The following HDAC4 variants were observed in gnomAD, a reference collection of about 807,000 sequenced individuals.
HDAC4 encodes histone deacetylase 4.
In HDAC4, 16 loss-of-function variants were observed where a neutral mutation model predicts 135.1. That is an observed-to-expected ratio of 0.12 (90% CI 0.08 to 0.18). HDAC4 has a LOEUF of 0.18. Ranked by LOEUF, HDAC4 falls within the 10% of genes least tolerant of loss-of-function variation. The pLI, the probability that HDAC4 is intolerant of heterozygous loss-of-function variation, is 1.00. For missense variants in HDAC4, 1,143 were observed against 1,511.8 expected (o/e 0.76, Z 4.05); for synonymous variants, 685 against 653.4 (o/e 1.05, Z -0.74).
At chr2:239,121,148 G>T (rs777622024) in intron 12 of HDAC4, among the ~76,000 whole-genome samples, 15 of 152,060 alleles carry the variant, frequency 9.9e-5, no homozygotes, top group Non-Finnish European at 1.6e-4. Context: ...GTAGAGACGG[G>T]ATTTCACCAG....
At chr2:239,095,753 T>C (rs770888515) in intron 16 of HDAC4, among the ~76,000 whole-genome samples, 1 of 152,182 alleles carries the variant, frequency 6.6e-6, no homozygotes, top group Non-Finnish European at 1.5e-5. Flanking sequence ...GCTGTCTTTT[T>C]CCTGTTTGAC....
rs58179782 is a variant in HDAC4 at position 239,106,686 on chromosome 2, C to CG, written c.2112+1363dup. Among the ~76,000 whole-genome samples the CG allele has an allele frequency of 8.5e-5, 13 of 152,200 alleles. No individual in the cohort carries two copies. In the South Asian group the frequency reaches 1.0e-3, roughly 12 times the overall value. ...TCACCAATAAAACTGGTAAAGGAAA[C>CG]GGGGGGTAAGATGAGGCACAGATTA... On this transcript the variant is annotated intron_variant, in intron 15 of 26. Transcript: ENST00000543185.
At chr2:239,286,722 G>A (rs1422512063) in intron 2 of HDAC4, among the ~76,000 whole-genome samples, 3 of 146,360 alleles carry the variant, frequency 2.0e-5, no homozygotes, top group African/African-American at 7.7e-5. Flanking sequence ...GTGACGAGCA[G>A]CCAGTGAGAC....
intron 1 of HDAC4, among the ~76,000 whole-genome samples, chr2:239,365,532 T>C (rs1304456563): frequency 1.3e-5 from 2 of 152,204 alleles, no homozygotes; most frequent in Non-Finnish European, 2.9e-5. Flanking sequence ...GGAAGGGCCA[T>C]GGGAGCCAGC....
At chr2:239,188,680 A>G (rs991912861) in intron 4 of HDAC4, among the ~76,000 whole-genome samples, 1 of 152,232 alleles carries the variant, frequency 6.6e-6, no homozygotes, top group South Asian at 2.1e-4. Flanking sequence ...GCTTGCCAAG[A>G]CTTAGCATGA....
In HDAC4 at chr2:239,165,503, A is replaced by G. The variant is rs1482830501; in HGVS notation, c.491-1580T>C. 2.6e-5 allele frequency among the ~76,000 whole-genome samples: 4 copies of G among 151,644 alleles called. No homozygotes were observed. In the East Asian group the frequency reaches 5.8e-4, roughly 22 times the overall value. On this transcript the variant is annotated intron_variant, in intron 5 of 26. Coordinates refer to ENST00000543185, the MANE Select transcript of HDAC4 (RefSeq NM_001378414.1). Reference sequence around the variant, plus strand: ...GGGTCTGTGTGTGTGTGTGTGTTTCATACTTGTATCCACTGGAGTTGCGTG... The same window carrying G: ...GGGTCTGTGTGTGTGTGTGTGTTTCGTACTTGTATCCACTGGAGTTGCGTG...
chr2:239,165,424 G>A (rs2043063593), intron 5 of HDAC4, among the ~76,000 whole-genome samples: 1 of 152,152 alleles, frequency 6.6e-6, no homozygotes, highest in Non-Finnish European at 1.5e-5. Flanking sequence ...GATAATTCAT[G>A]TCCTTGGCTT....
chr2:239,147,506 T>G (rs1430416678), intron 7 of HDAC4, among the ~76,000 whole-genome samples: 2 of 152,270 alleles, frequency 1.3e-5, no homozygotes, highest in African/African-American at 2.4e-5. Context: ...AGGCTGCACG[T>G]GTACTGGCTC....
At chr2:239,081,015 TC>T (rs2035265255) in intron 22 of HDAC4, 79 bp downstream of exon 22, 2 of 1,113,802 alleles carry the variant, frequency 1.8e-6, no homozygotes, top group African/African-American at 3.1e-5. Flanking sequence ...GACACGCTCA[TC>T]TCCAACAAGT....
chr2:239,365,741 G>C (rs1249227585), intron 1 of HDAC4, among the ~76,000 whole-genome samples: 1 of 152,064 alleles, frequency 6.6e-6, no homozygotes, highest in Non-Finnish European at 1.5e-5. Context: ...GGTCGTCAGG[G>C]TCACGCACGT....
At chr2:239,369,404 C>G (rs1311378986) in intron 1 of HDAC4, among the ~76,000 whole-genome samples, 1 of 152,144 alleles carries the variant, frequency 6.6e-6, no homozygotes, top group Non-Finnish European at 1.5e-5. Flanking sequence ...GAGACAGCCG[C>G]TTGGGCTGCA....
intron 7 of HDAC4, among the ~76,000 whole-genome samples, chr2:239,151,160 C>T (rs1287669249): frequency 6.6e-6 from 1 of 152,274 alleles, no homozygotes; most frequent in East Asian, 1.9e-4. Context: ...CTACTCTACA[C>T]ACAGATAAGA....
intron 1 of HDAC4, among the ~76,000 whole-genome samples, chr2:239,371,233 CGT>C (rs1694587261): frequency 6.6e-6 from 1 of 152,216 alleles, no homozygotes; most frequent in South Asian, 2.1e-4. Flanking sequence ...CATATAAACA[CGT>C]GTGTCACTCA....
chr2:239,358,538 C>T (rs1443665419), intron 1 of HDAC4, among the ~76,000 whole-genome samples: 1 of 152,184 alleles, frequency 6.6e-6, no homozygotes, highest in Non-Finnish European at 1.5e-5. Context: ...CAATCTAGTG[C>T]TAGGTGTGCT....
intron 22 of HDAC4, among the ~76,000 whole-genome samples, chr2:239,076,872 G>T (rs549294652): frequency 1.3e-5 from 2 of 152,090 alleles, no homozygotes; most frequent in South Asian, 4.2e-4. Context: ...ACCTTCTCCC[G>T]CTGGATCTCT....
chr2:239,283,233 G>A lies in HDAC4; in HGVS notation c.23-46569C>T, dbSNP rs980983765. On this transcript the variant is annotated intron_variant, in intron 2 of 26. Transcript: ENST00000543185. Reference sequence around the variant, plus strand: ...GGACTATGAGGGCAGGGGCTGGCGAGTCAAGCTGGCTGGAAAGGCCTCTCT... The same window carrying A: ...GGACTATGAGGGCAGGGGCTGGCGAATCAAGCTGGCTGGAAAGGCCTCTCT... Among the ~76,000 whole-genome samples, 5 of 152,238 alleles carry A rather than the reference G, an allele frequency of 3.3e-5. No individual in the cohort carries two copies. The East Asian group carries it at 9.6e-4, about 29-fold the overall frequency.
chr2:239,326,697 G>A (rs1386863275), intron 2 of HDAC4, among the ~76,000 whole-genome samples: 3 of 152,208 alleles, frequency 2.0e-5, no homozygotes, highest in East Asian at 3.8e-4. Flanking sequence ...CAGAATAAAT[G>A]GCAAAGCAAG....
chr2:239,165,486 G>GTGTA (rs954498417), intron 5 of HDAC4, among the ~76,000 whole-genome samples: 1 of 152,162 alleles, frequency 6.6e-6, no homozygotes, highest in African/African-American at 2.4e-5. Flanking sequence ...GTGGGTCTGT[G>GTGTA]TGTGTGTGTG....
At position 239,309,578 on chromosome 2, in the gene HDAC4, C is replaced by T. The variant is rs959374619; in HGVS notation, c.22+43100G>A. ...CTGCATTTACTTCTCCTGCACCTGG[C>T]GGGAGGCTCTGGCCTTGCAGGCGTG... On this transcript the variant is annotated intron_variant, in intron 2 of 26. Coordinates refer to ENST00000543185, the MANE Select transcript of HDAC4 (RefSeq NM_001378414.1). The surrounding 1 kb of genome is among the most constrained non-coding windows in gnomAD (Gnocchi z 4.2). Among the ~76,000 whole-genome samples the T allele has an allele frequency of 2.0e-5, 3 of 152,236 alleles. No individual in the cohort carries two copies. The East Asian group carries it at 5.8e-4, about 29-fold the overall frequency.
Sources: allele counts gnomAD v4.1 joint callset (sites outside exome capture counted in the v4.1 genomes callset), GRCh38; gene constraint gnomAD v4.1.1; non-coding constraint Gnocchi (gnomAD v3.1); transcripts MANE v1.5; gene names NCBI Gene and HGNC (gene_info 2026-07-23, HGNC 2026-07-21).